The following DOCK4 variants were observed in gnomAD, a reference collection of about 807,000 sequenced individuals.
DOCK4 encodes dedicator of cytokinesis 4, also known as dedicator of cytokinesis protein 4.
Under a neutral mutation model 268.1 loss-of-function variants are expected in DOCK4, and 97 were observed. The ratio of observed to expected loss-of-function variants is 0.36; its 90% confidence interval spans 0.31 to 0.43. The LOEUF is 0.43. Ranked by LOEUF, DOCK4 falls within the 20% of genes least tolerant of loss-of-function variation. The pLI, the probability that DOCK4 is intolerant of heterozygous loss-of-function variation, is 1.00. For missense variants in DOCK4, 2,145 were observed against 2,455.7 expected (o/e 0.87, Z 2.67); for synonymous variants, 954 against 887.2 (o/e 1.08, Z -1.34).
At chr7:111,933,057 T>TATATATATACATATATATACAC (rs1478102218) in intron 12 of DOCK4, among the ~76,000 whole-genome samples, 11 of 149,352 alleles carry the variant, frequency 7.4e-5, no homozygotes, top group Non-Finnish European at 1.5e-4. Flanking sequence ...GAGAAGTGTG[T>TATATATATACATATATATACAC]ATATATATAC....
At chr7:112,192,486 G>A (rs934901857) in intron 1 of DOCK4, among the ~76,000 whole-genome samples, 116 of 152,088 alleles carry the variant, frequency 7.6e-4, no homozygotes, top group Non-Finnish European at 3.1e-4. Context: ...TTCCTCCTCA[G>A]GGCTGTTTCT....
In DOCK4 at chr7:111,955,257, G is replaced by A. The variant is rs931696967; in HGVS notation, c.702-9459C>T. 1.2e-4 allele frequency among the ~76,000 whole-genome samples: 18 copies of A among 152,330 alleles called. No homozygotes were observed. In the East Asian group the frequency reaches 3.5e-3, roughly 29 times the overall value. On this transcript the variant is annotated intron_variant, in intron 8 of 52. Coordinates refer to ENST00000428084, the MANE Select transcript of DOCK4 (RefSeq NM_001363540.2). ...TAATTTTAAAACTAAAGCAAAGTTA[G>A]AGTCATGAGCTCTTCTGATTAAAGG...
intron 1 of DOCK4, among the ~76,000 whole-genome samples, chr7:112,180,800 G>A (rs1380634828): frequency 6.6e-6 from 1 of 152,164 alleles, no homozygotes; most frequent in East Asian, 1.9e-4. Context: ...GCTGCTTTAG[G>A]TATTAAAGGG....
chr7:111,772,919 C>A (rs1798214271), intron 36 of DOCK4, among the ~76,000 whole-genome samples: 1 of 152,158 alleles, frequency 6.6e-6, no homozygotes, highest in Non-Finnish European at 1.5e-5. Context: ...AGGTGTGGGT[C>A]AGGTGCCCCT....
chr7:112,173,316 C>A (rs912128560), intron 1 of DOCK4, among the ~76,000 whole-genome samples: 1 of 152,288 alleles, frequency 6.6e-6, no homozygotes, highest in Admixed American at 6.5e-5. Context: ...CATGTTTCAA[C>A]ACAACTGTTT....
At chr7:112,093,447 A>AG (rs145142890) in intron 1 of DOCK4, among the ~76,000 whole-genome samples, 2,810 of 151,134 alleles carry the variant, frequency 0.019, 91 homozygotes, top group African/African-American at 0.063. Context: ...ATACATTTAA[A>AG]GGGGGGGGGA....
At position 111,915,914 on chromosome 7, in the gene DOCK4, A is replaced by AT. The variant is rs1792543812; in HGVS notation, c.1067-11dup. ...AAGGAAACTGCTAAACCTAAAACAG[A>AT]TGAGAGATACCCGAGTTAAAAACAG... On this transcript the variant is annotated splice_polypyrimidine_tract_variant and intron_variant, in intron 12 of 52. Coordinates refer to ENST00000428084, the MANE Select transcript of DOCK4 (RefSeq NM_001363540.2). The AT allele has an allele frequency of 1.2e-6, 2 of 1,608,460 alleles. No homozygotes were observed. Among genetic ancestry groups the AT allele is most frequent in the Admixed American group, 1.7e-5 (1 of 59,210 alleles).
chr7:111,899,611 T>C lies in DOCK4; in HGVS notation c.1480+763A>G, dbSNP rs79800722. Among the ~76,000 whole-genome samples, 846 of 152,302 alleles carry C rather than the reference T, an allele frequency of 5.6e-3. 26 individuals carry two copies. The highest frequency in any genetic ancestry group is 0.048 in the Admixed American group (741 of 15,298). ...GTGGACAAACCCTGTAACAGTTCTA[T>C]GTCTTGGGTTGTTGAGATCTGTAAA... On this transcript the variant is annotated intron_variant, in intron 15 of 52. Transcript: ENST00000428084.
At chr7:112,012,875 G>A (rs1410617195) in intron 1 of DOCK4, among the ~76,000 whole-genome samples, 1 of 151,212 alleles carries the variant, frequency 6.6e-6, no homozygotes, top group East Asian at 1.9e-4. Flanking sequence ...AATACTCAAA[G>A]TCACAAAACA....
At chr7:112,053,640 T>C (rs1256124905) in intron 1 of DOCK4, among the ~76,000 whole-genome samples, 1 of 152,216 alleles carries the variant, frequency 6.6e-6, no homozygotes, top group Non-Finnish European at 1.5e-5. Context: ...AACATGAGGC[T>C]TTATTTCTAC....
chr7:111,824,965 C>A (rs117936826), intron 26 of DOCK4, among the ~76,000 whole-genome samples: 1 of 152,024 alleles, frequency 6.6e-6, no homozygotes, highest in Non-Finnish European at 1.5e-5. Flanking sequence ...CAGTAGAAAC[C>A]TTATAAGAAA....
At chr7:112,161,484 G>A (rs1157461672) in intron 1 of DOCK4, among the ~76,000 whole-genome samples, 1 of 152,158 alleles carries the variant, frequency 6.6e-6, no homozygotes, top group Non-Finnish European at 1.5e-5. Context: ...AGACTAGAAA[G>A]GGTAACCAGA....
At chr7:112,188,580 T>C (rs956920359) in intron 1 of DOCK4, among the ~76,000 whole-genome samples, 2 of 152,348 alleles carry the variant, frequency 1.3e-5, no homozygotes, top group South Asian at 4.1e-4. Context: ...CTGCATGGCA[T>C]ACGTGTCTGG....
chr7:111,869,011 A>C (rs940951159), intron 21 of DOCK4, among the ~76,000 whole-genome samples: 3 of 152,192 alleles, frequency 2.0e-5, no homozygotes, highest in Non-Finnish European at 1.5e-5. Flanking sequence ...CAGGGCTGTT[A>C]CTGGACAATT....
At chr7:112,105,206 T>C (rs1811031719) in intron 1 of DOCK4, among the ~76,000 whole-genome samples, 1 of 152,210 alleles carries the variant, frequency 6.6e-6, no homozygotes, top group African/African-American at 2.4e-5. Flanking sequence ...TAAGCTATTT[T>C]CTCTTATTTA....
chr7:111,961,051 G>C (rs1331127534), intron 8 of DOCK4, among the ~76,000 whole-genome samples: 4 of 152,046 alleles, frequency 2.6e-5, no homozygotes, highest in African/African-American at 7.2e-5. Flanking sequence ...CACGGGGGTT[G>C]GATTGCTGGA....
intron 1 of DOCK4, among the ~76,000 whole-genome samples, chr7:112,059,219 T>A (rs997375557): frequency 3.7e-5 from 5 of 135,562 alleles, no homozygotes; most frequent in Non-Finnish European, 7.7e-5. Context: ...CTCAGCTCAC[T>A]ACAACTTCCA....
Position 112,206,261 on chromosome 7 carries a change from G to C in DOCK4, c.-123C>G, listed in dbSNP as rs1290536661. On this transcript the variant is annotated 5_prime_UTR_variant, in exon 1 of 53. Transcript: ENST00000428084. Reference sequence around the variant, plus strand: ...AGCCCAGCGGCTTCGCGCGGGCTGCGGGCGCTGGGCAGGATCTGCGCTGGA... The same window carrying C: ...AGCCCAGCGGCTTCGCGCGGGCTGCCGGCGCTGGGCAGGATCTGCGCTGGA... 1.8e-6 allele frequency: 2 copies of C among 1,123,326 alleles called. No homozygotes were observed. Among genetic ancestry groups the C allele is most frequent in the Admixed American group, 2.3e-5 (1 of 43,796 alleles). The allele number at this position is 1,123,326 out of a possible 1,614,324, so 69.6% of individuals were successfully genotyped here.
chr7:112,087,664 C>T (rs1809223311), intron 1 of DOCK4, among the ~76,000 whole-genome samples: 1 of 151,882 alleles, frequency 6.6e-6, no homozygotes, highest in East Asian at 1.9e-4. Flanking sequence ...TACTATGTAC[C>T]CTGAGACAAA....
Sources: gnomAD v4.1 joint callset for allele counts (sites outside exome capture counted in the v4.1 genomes callset) on GRCh38, gnomAD v4.1.1 for gene constraint, MANE v1.5 for transcripts, NCBI Gene and HGNC (gene_info 2026-07-23, HGNC 2026-07-21) for gene names.